The following CD101 variants were observed in gnomAD, a reference collection of about 807,000 sequenced individuals.
The protein encoded by CD101 is CD101 molecule.
A neutral mutation model predicts 98.2 loss-of-function variants in CD101; 76 were observed. The observed-to-expected ratio is 0.77, with a 90% CI of 0.64 to 0.94. CD101 has a LOEUF of 0.94. Among genes scored for constraint, CD101 ranks in the 40% least tolerant of loss-of-function variants. The pLI is 0.00. For synonymous variants in CD101, 471 were observed against 472.7 expected, an observed-to-expected ratio of 1.00 and a Z score of 0.05; for missense variants, 1,145 against 1,218.8, an observed-to-expected ratio of 0.94 and a Z score of 0.90.
chr1:117,033,854 T>A lies in CD101; in HGVS notation c.2825-6T>A, dbSNP rs1163400223. 1.9e-6 allele frequency: 3 copies of A among 1,614,140 alleles called. No homozygotes were observed. In the Admixed American group the frequency reaches 5.0e-5, roughly 27 times the overall value. On this transcript the variant is annotated splice_polypyrimidine_tract_variant and splice_region_variant and intron_variant, in intron 8 of 9. Transcript: ENST00000682167. This position sits in a 1 kb window ranked among gnomAD's most constrained non-coding sequence, Gnocchi z 4.8. ...AATTACTCTCTTGTTTCTCCCTTCG[T>A]TGCAGAGCCCACGCTTCCTTCCAGG...
At chr1:117,020,707 C>T (rs914596606) in intron 6 of CD101, among the ~76,000 whole-genome samples, 1 of 152,210 alleles carries the variant, frequency 6.6e-6, no homozygotes, top group African/African-American at 2.4e-5. Flanking sequence ...ATCTCTAAGC[C>T]TCTGTCCCTG....
At position 117,005,291 on chromosome 1, in the gene CD101, T is replaced by G. The variant is rs920785695; in HGVS notation, c.43+3431T>G. Among the ~76,000 whole-genome samples, 3 of 152,130 alleles carry G rather than the reference T, an allele frequency of 2.0e-5. No homozygotes were observed. Among genetic ancestry groups the G allele is most frequent in the Admixed American group, 6.5e-5 (1 of 15,274 alleles). ...CTACCGCTCCTCACCTAGCTACTCTTTCTAGCTGCCATCCTAATCTTCATT... is the reference window on the plus strand; with the variant it reads ...CTACCGCTCCTCACCTAGCTACTCTGTCTAGCTGCCATCCTAATCTTCATT... On this transcript the variant is annotated intron_variant, in intron 1 of 9. Coordinates refer to ENST00000682167, the MANE Select transcript of CD101 (RefSeq NM_001256106.3). The surrounding 1 kb of genome is among the most constrained non-coding windows in gnomAD (Gnocchi z 4.4).
At chr1:117,029,053 AAGAG>A (rs968706738) in intron 8 of CD101, among the ~76,000 whole-genome samples, 7 of 148,886 alleles carry the variant, frequency 4.7e-5, no homozygotes, top group African/African-American at 7.6e-5. Flanking sequence ...AAAAGAAAGA[AAGAG>A]AGAGAGAGAG....
At chr1:117,002,775 A>G (rs1450364102) in intron 1 of CD101, among the ~76,000 whole-genome samples, 1 of 152,236 alleles carries the variant, frequency 6.6e-6, no homozygotes, top group East Asian at 1.9e-4. Context: ...TTTAACCACC[A>G]AACTTCAAAG....
Position 117,021,565 on chromosome 1 carries a change from A to T in CD101, c.2018-8A>T, listed in dbSNP as rs1238750072. 6.4e-7 allele frequency: 1 copy of T among 1,551,086 alleles called. No homozygotes were observed. The highest frequency in any genetic ancestry group is 8.7e-7 in the Non-Finnish European group (1 of 1,154,398). On this transcript the variant is annotated splice_polypyrimidine_tract_variant and splice_region_variant and intron_variant, in intron 6 of 9. Transcript: ENST00000682167. The surrounding 1 kb of genome is among the most constrained non-coding windows in gnomAD (Gnocchi z 4.7). ...AGCAAAGTAACTGTTTCATTTTTTTAAATTTAGAGAGCAAGCTAAAAGTGA... is the reference window on the plus strand; with the variant it reads ...AGCAAAGTAACTGTTTCATTTTTTTTAATTTAGAGAGCAAGCTAAAAGTGA...
chr1:117,014,214 T>C (rs1271730460), intron 4 of CD101, among the ~76,000 whole-genome samples: 7 of 147,874 alleles, frequency 4.7e-5, no homozygotes, highest in Non-Finnish European at 9.0e-5. Context: ...TGTGTGTGTG[T>C]GTGTGTGTGT....
Position 117,019,627 on chromosome 1 carries a change from G to A in CD101, c.2017+1067G>A, listed in dbSNP as rs1416977153. 6.6e-6 allele frequency among the ~76,000 whole-genome samples: 1 copy of A among 152,122 alleles called. No individual in the cohort carries two copies. The highest frequency in any genetic ancestry group is 1.5e-5 in the Non-Finnish European group (1 of 68,030). ...TTTTCATTCTATACGCTCTCCTGCA[G>A]TGGACTCGTCCCTACCCATGGATAC... On this transcript the variant is annotated intron_variant, in intron 6 of 9. Coordinates refer to ENST00000682167, the MANE Select transcript of CD101 (RefSeq NM_001256106.3). The surrounding 1 kb of genome is among the most constrained non-coding windows in gnomAD (Gnocchi z 4.3).
intron 8 of CD101, among the ~76,000 whole-genome samples, chr1:117,027,462 G>T (rs1654013772): frequency 6.6e-6 from 1 of 152,176 alleles, no homozygotes; most frequent in Admixed American, 6.5e-5. Context: ...ATCTGGGAAG[G>T]TTCCCCAGAG....
Position 117,025,878 on chromosome 1 carries a change from G to A in CD101, c.2798G>A (p.Arg933Gln), listed in dbSNP as rs12093834. The change falls in exon 8 of 10, where the codon CGG becomes CAG. Residue 933 changes from arginine to glutamine, a missense_variant. Transcript: ENST00000682167. ...AATCAAGCATCCGATGAGTCACAGCGGATGGTGCTCACGGTGCTGCCTTCA... is the reference window on the plus strand; with the variant it reads ...AATCAAGCATCCGATGAGTCACAGCAGATGGTGCTCACGGTGCTGCCTTCA... Reference protein sequence around the residue: ...WINQASDESQRMVLTVLPSEP... With the variant: ...WINQASDESQQMVLTVLPSEP... 4.5e-3 allele frequency: 7,176 copies of A among 1,612,474 alleles called. 249 individuals are homozygous for A. In the African/African-American group the frequency reaches 0.082, roughly 18 times the overall value.
At chr1:117,020,977 C>G (rs1653546353) in intron 6 of CD101, among the ~76,000 whole-genome samples, 2 of 152,162 alleles carry the variant, frequency 1.3e-5, no homozygotes, top group African/African-American at 4.8e-5. Context: ...TTAGTTGGCT[C>G]CATATCTATA....
In CD101 at chr1:117,018,301, T is replaced by C; in HGVS notation, c.1758T>C (p.Ser586=). Residue 586 remains serine, a synonymous_variant, in exon 6 of 10, where the codon TCT becomes TCC. Transcript: ENST00000682167. The surrounding 1 kb of genome is among the most constrained non-coding windows in gnomAD (Gnocchi z 4.3). ...CGTGGCAGTTCCAGCCAGCTAGCTCTCACATCTTCCACCAGCTTATTCGAA... is the reference window on the plus strand; with the variant it reads ...CGTGGCAGTTCCAGCCAGCTAGCTCCCACATCTTCCACCAGCTTATTCGAA... ...TVTWQFQPAS[S]HIFHQLIRIT... is the part of the protein sequence containing the mutation. 6.2e-7 allele frequency: 1 copy of C among 1,614,200 alleles called. No homozygotes were observed.
At position 117,013,496 on chromosome 1, in the gene CD101, G is replaced by T; in HGVS notation, c.932G>T (p.Arg311Leu). ...ELVCLVVSSGRDPQLQGIWFF... is the reference protein window; with the variant it reads ...ELVCLVVSSGLDPQLQGIWFF... ...GTTTGCCTGGTTGTAAGCAGTGGCC[G>T]TGACCCACAGCTTCAAGGCATTTGG... The change falls in exon 4 of 10, where the codon CGT (arginine) becomes CTT (leucine). Residue 311 changes from arginine to leucine, a missense_variant. By Grantham distance (102) the Arg-to-Leu change is moderately radical. Coordinates refer to ENST00000682167, the MANE Select transcript of CD101 (RefSeq NM_001256106.3). 1.2e-6 allele frequency: 2 copies of T among 1,614,130 alleles called. No individual in the cohort carries two copies. Among genetic ancestry groups the T allele is most frequent in the East Asian group, 2.2e-5 (1 of 44,878 alleles).
At chr1:117,027,955 C>G (rs988730883) in intron 8 of CD101, among the ~76,000 whole-genome samples, 1 of 152,042 alleles carries the variant, frequency 6.6e-6, no homozygotes, top group African/African-American at 2.4e-5. Context: ...CATGGTGGCC[C>G]ATGCCTGTAA....
intron 1 of CD101, among the ~76,000 whole-genome samples, chr1:117,007,311 CAT>C (rs1198575664): frequency 1.3e-5 from 2 of 151,964 alleles, no homozygotes; most frequent in Non-Finnish European, 2.9e-5. Flanking sequence ...TCACAAACAC[CAT>C]GCAATCACTT....
chr1:117,011,162 G>T (rs1419882233), intron 2 of CD101, among the ~76,000 whole-genome samples: 1 of 152,152 alleles, frequency 6.6e-6, no homozygotes, highest in Non-Finnish European at 1.5e-5. Flanking sequence ...GCAGGTTAAG[G>T]CCCAGGGAGG....
At chr1:117,017,920 A>G (rs3767787) in intron 5 of CD101, among the ~76,000 whole-genome samples, 39,419 of 152,068 alleles carry the variant, frequency 0.26, 6,598 homozygotes, top group East Asian at 0.61. Flanking sequence ...TTGGAGAAAC[A>G]CTGCCTATTT....
intron 1 of CD101, among the ~76,000 whole-genome samples, chr1:117,002,402 G>C (rs1652279666): frequency 6.6e-6 from 1 of 152,204 alleles, no homozygotes; most frequent in South Asian, 2.1e-4. Flanking sequence ...GATTCACTTG[G>C]CTCTACTGAG....
intron 8 of CD101, 71 bp downstream of exon 8, chr1:117,025,975 C>G (rs2101147490): frequency 6.8e-7 from 1 of 1,470,406 alleles, no homozygotes. Context: ...TCCTCTCCCT[C>G]TCACCTATCT....
rs74869775 is a variant in CD101, at chr1:117,004,637, T to G, written c.43+2777T>G. The stretch of plus-strand genomic sequence containing the variant: ...AGCAAGAGGGCAGTCCTCACAGGTG[T>G]TTTTCGGAGGGTGGATGATATGTAC... On this transcript the variant is annotated intron_variant, in intron 1 of 9. Transcript: ENST00000682167. The surrounding 1 kb of genome is among the most constrained non-coding windows in gnomAD (Gnocchi z 4.1). Among the ~76,000 whole-genome samples the G allele has an allele frequency of 0.02, 2,981 of 152,078 alleles. 104 individuals carry two copies. Among genetic ancestry groups the G allele is most frequent in the African/African-American group, 0.069 (2,857 of 41,454 alleles).
Sources: allele counts gnomAD v4.1 joint callset (sites outside exome capture counted in the v4.1 genomes callset), GRCh38; gene constraint gnomAD v4.1.1; non-coding constraint Gnocchi (gnomAD v3.1); transcripts MANE v1.5; gene names NCBI Gene and HGNC (gene_info 2026-07-23, HGNC 2026-07-21).